Variants in PTPRG observed in about 807,000 individuals in gnomAD.
The protein encoded by PTPRG is receptor-type tyrosine-protein phosphatase gamma.
In PTPRG, 102 loss-of-function variants were observed where a neutral mutation model predicts 165.3. The observed-to-expected ratio is 0.62, with a 90% confidence interval of 0.53 to 0.73. The LOEUF is 0.73. PTPRG is among the 30% of genes least tolerant of loss of function. The pLI is 0.00. For synonymous variants in PTPRG, 675 were observed against 669.5 expected (o/e 1.01, Z -0.13); for missense variants, 1,866 against 1,861.4 (o/e 1.00, Z -0.05).
intron 3 of PTPRG, among the ~76,000 whole-genome samples, chr3:61,993,509 G>A (rs765410462): frequency 4.6e-5 from 7 of 152,090 alleles, no homozygotes; most frequent in South Asian, 2.1e-4. Flanking sequence ...ATGAGCCTCC[G>A]TGCCCGGCCC....
intron 4 of PTPRG, among the ~76,000 whole-genome samples, chr3:62,031,119 C>T (rs905679210): frequency 1.3e-5 from 2 of 152,114 alleles, no homozygotes; most frequent in African/African-American, 2.4e-5. Context: ...TGAACAAATA[C>T]GTAATCAACA....
At chr3:62,139,414 G>A (rs959366135) in intron 6 of PTPRG, among the ~76,000 whole-genome samples, 2 of 151,970 alleles carry the variant, frequency 1.3e-5, no homozygotes, top group East Asian at 3.9e-4. Context: ...AACTGAGATC[G>A]CCCCACTGCA....
intron 2 of PTPRG, among the ~76,000 whole-genome samples, chr3:61,788,136 T>A (rs2034765552): frequency 6.6e-6 from 1 of 152,150 alleles, no homozygotes. Flanking sequence ...AGTGATTTAC[T>A]CCCATGGTTG....
intron 4 of PTPRG, among the ~76,000 whole-genome samples, chr3:62,044,164 C>A (rs11130873): frequency 0.61 from 92,794 of 151,838 alleles, 29,428 homozygotes; most frequent in Non-Finnish European, 0.68. Flanking sequence ...TGAAGAGTGC[C>A]GCTTCTTAGC....
chr3:62,008,843 C>T (rs1008204817), intron 4 of PTPRG, among the ~76,000 whole-genome samples: 1 of 152,172 alleles, frequency 6.6e-6, no homozygotes, highest in African/African-American at 2.4e-5. Context: ...TGACAGGAGG[C>T]AGAGCTCAGG....
Position 61,685,618 on chromosome 3 carries a change from C to T in PTPRG, c.86-63260C>T, listed in dbSNP as rs117600219. On this transcript the variant is annotated intron_variant, in intron 1 of 29. Coordinates refer to ENST00000474889, the MANE Select transcript of PTPRG (RefSeq NM_002841.4). ...GCCTTGACACAAAAGCTGCTTGGAA[C>T]CTGAAGGTTCTTTGCAGCTGAGTAG... Among the ~76,000 whole-genome samples, 139 of 152,284 alleles carry T rather than the reference C, an allele frequency of 9.1e-4. No individual in the cohort carries two copies. The East Asian group carries it at 0.024, about 27-fold the overall frequency.
chr3:62,202,131 G>A lies in PTPRG; in HGVS notation c.1377+577G>A, dbSNP rs528689256. Among the ~76,000 whole-genome samples the A allele has an allele frequency of 5.9e-5, 9 of 152,246 alleles. No homozygotes were observed. The East Asian group carries it at 7.7e-4, about 13-fold the overall frequency. ...TTCCCGTTTTACAGATGAGGAAACC[G>A]AGGCTCAGTGAGTTAAAGTAATGTG... On this transcript the variant is annotated intron_variant, in intron 11 of 29. Coordinates refer to ENST00000474889, the MANE Select transcript of PTPRG (RefSeq NM_002841.4).
In PTPRG at chr3:62,265,896, TACACACACAC is replaced by T. The variant is rs143246257; in HGVS notation, c.2657-1493_2657-1484del. Among the ~76,000 whole-genome samples, 77 of 130,612 alleles carry T rather than the reference TACACACACAC, an allele frequency of 5.9e-4. No homozygotes were observed. In the South Asian group the frequency reaches 0.017, roughly 29 times the overall value. The allele number at this position is 130,612 out of a possible 152,430, so 85.7% of individuals were successfully genotyped here. A position where few individuals can be genotyped will look rare whatever the true frequency, so the allele number is the denominator to read the frequency against. ...CACACGTATACATCTGTGCCTTATA[TACACACACAC>T]ACACACACACACACACACACCATTC... On this transcript the variant is annotated intron_variant, in intron 17 of 29. Transcript: ENST00000474889.
At chr3:61,600,859 T>C (rs1044255209) in intron 1 of PTPRG, among the ~76,000 whole-genome samples, 1 of 152,184 alleles carries the variant, frequency 6.6e-6, no homozygotes, top group Non-Finnish European at 1.5e-5. Flanking sequence ...TTTTTTAAAA[T>C]GTCTTAAAGT....
chr3:62,108,766 G>A, intron 5 of PTPRG, among the ~76,000 whole-genome samples: 1 of 152,098 alleles, frequency 6.6e-6, no homozygotes, highest in Non-Finnish European at 1.5e-5. Context: ...ATCTCATTGT[G>A]GTTTTGATTT....
chr3:61,871,163 G>GTGTTGTGTTATGTTA (rs2037566160), intron 2 of PTPRG, among the ~76,000 whole-genome samples: 40 of 116,658 alleles, frequency 3.4e-4, no homozygotes, highest in African/African-American at 7.2e-4. Context: ...GTGTTGTGTT[G>GTGTTGTGTTATGTTA]TGTTATGTTA....
chr3:62,017,834 T>C (rs192476349), intron 4 of PTPRG, among the ~76,000 whole-genome samples: 45 of 152,258 alleles, frequency 3.0e-4, no homozygotes, highest in Admixed American at 2.0e-3. Flanking sequence ...GAGGCCCACG[T>C]TTTTGAGAGC....
At chr3:61,995,135 C>A (rs1000748090) in intron 3 of PTPRG, among the ~76,000 whole-genome samples, 2 of 128,480 alleles carry the variant, frequency 1.6e-5, no homozygotes, top group African/African-American at 6.2e-5. Flanking sequence ...GTTGCCCAGG[C>A]TGGAATGCAA....
chr3:61,783,704 T>C (rs1481953656), intron 2 of PTPRG, among the ~76,000 whole-genome samples: 1 of 151,798 alleles, frequency 6.6e-6, no homozygotes, highest in Non-Finnish European at 1.5e-5. Flanking sequence ...GAACAAGGGG[T>C]GGAAGCCAGG....
intron 1 of PTPRG, among the ~76,000 whole-genome samples, chr3:61,729,818 T>C (rs1222684134): frequency 6.6e-6 from 1 of 152,210 alleles, no homozygotes; most frequent in African/African-American, 2.4e-5. Context: ...TAATGTACTC[T>C]GCTCATTAAT....
At chr3:61,592,656 T>C (rs888803618) in intron 1 of PTPRG, among the ~76,000 whole-genome samples, 5 of 151,272 alleles carry the variant, frequency 3.3e-5, no homozygotes, top group Admixed American at 6.6e-5. Context: ...TTTCTTTTTT[T>C]TTTTTTTTAA....
intron 10 of PTPRG, among the ~76,000 whole-genome samples, chr3:62,201,172 C>T (rs1416635682): frequency 1.3e-5 from 2 of 152,158 alleles, no homozygotes; most frequent in Non-Finnish European, 2.9e-5. Context: ...ATTCATTCAA[C>T]TATACACCTA....
chr3:62,116,694 A>G (rs1383978750), intron 5 of PTPRG, among the ~76,000 whole-genome samples: 1 of 152,218 alleles, frequency 6.6e-6, no homozygotes, highest in Non-Finnish European at 1.5e-5. Context: ...GTGTATACAG[A>G]TGTGAAAATG....
intron 4 of PTPRG, among the ~76,000 whole-genome samples, chr3:62,052,593 G>A (rs1392260318): frequency 6.6e-6 from 1 of 152,132 alleles, no homozygotes; most frequent in Admixed American, 6.5e-5. Context: ...TACTTGGGAG[G>A]CTGAGTCAGG....
Sources: allele counts gnomAD v4.1 joint callset (sites outside exome capture counted in the v4.1 genomes callset), GRCh38; gene constraint gnomAD v4.1.1; transcripts MANE v1.5; gene names NCBI Gene and HGNC (gene_info 2026-07-23, HGNC 2026-07-21).